Variants in TBCK observed in about 807,000 individuals in gnomAD.
TBCK encodes the protein TBC domain-containing protein kinase-like protein.
In TBCK, 99 loss-of-function variants were observed where a neutral mutation model predicts 113.4. The ratio of observed to expected loss-of-function variants is 0.87; its 90% CI spans 0.74 to 1.03. The LOEUF (loss-of-function observed/expected upper bound fraction) is 1.03. Ranked by LOEUF, TBCK falls within the 50% of genes least tolerant of loss-of-function variation. TBCK has a pLI of 0.00. For missense variants in TBCK, 1,045 were observed against 1,061.3 expected (o/e 0.98, Z 0.21); for synonymous variants, 369 against 370.8 (o/e 1.00, Z 0.05).
At chr4:106,287,071 G>T (rs1765186700) in intron 3 of TBCK, among the ~76,000 whole-genome samples, 1 of 152,148 alleles carries the variant, frequency 6.6e-6, no homozygotes, top group African/African-American at 2.4e-5. Context: ...CCAGAGGACT[G>T]CTCTCTTTGT....
intron 19 of TBCK, among the ~76,000 whole-genome samples, chr4:106,229,913 T>C (rs1758669198): frequency 6.6e-6 from 1 of 151,786 alleles, no homozygotes; most frequent in African/African-American, 2.4e-5. Flanking sequence ...AAGGAGGAGG[T>C]ATATTTTAGG....
intron 25 of TBCK, among the ~76,000 whole-genome samples, chr4:106,091,970 A>C (rs1052887174): frequency 2.6e-5 from 4 of 152,044 alleles, no homozygotes. Flanking sequence ...GCTAGACACA[A>C]AAGTTCTCCA....
chr4:106,236,366 C>T, intron 14 of TBCK, 24 bp downstream of exon 14: 1 of 1,410,700 alleles, frequency 7.1e-7, no homozygotes, highest in Middle Eastern at 1.9e-4. Context: ...CTATTGTTAA[C>T]ACTTTATACT....
chr4:106,216,771 C>T (rs903301914), intron 19 of TBCK, among the ~76,000 whole-genome samples: 7 of 151,452 alleles, frequency 4.6e-5, no homozygotes, highest in African/African-American at 9.7e-5. Flanking sequence ...GATTCACAGC[C>T]GAATTCTACC....
intron 23 of TBCK, among the ~76,000 whole-genome samples, chr4:106,122,749 A>G (rs1744604398): frequency 6.6e-6 from 1 of 152,204 alleles, no homozygotes; most frequent in Non-Finnish European, 1.5e-5. Context: ...GTAATCCAGC[A>G]TATAAACAGA....
intron 22 of TBCK, among the ~76,000 whole-genome samples, chr4:106,181,259 T>C (rs1056940015): frequency 2.0e-5 from 3 of 152,224 alleles, no homozygotes; most frequent in Non-Finnish European, 2.9e-5. Flanking sequence ...TTATAGATGC[T>C]GGATATTAGC....
intron 3 of TBCK, among the ~76,000 whole-genome samples, chr4:106,288,254 C>T (rs1244397635): frequency 2.0e-5 from 3 of 152,052 alleles, no homozygotes; most frequent in Admixed American, 2.0e-4. Context: ...ATTAGCCAGG[C>T]ATGGCGGTGT....
chr4:106,211,006 T>C (rs1285821825), intron 20 of TBCK, among the ~76,000 whole-genome samples: 1 of 152,174 alleles, frequency 6.6e-6, no homozygotes, highest in Non-Finnish European at 1.5e-5. Flanking sequence ...TATGTTGTTT[T>C]GGTCTCAAAC....
chr4:106,171,626 G>T (rs945738431), intron 22 of TBCK, among the ~76,000 whole-genome samples: 1 of 145,674 alleles, frequency 6.9e-6, no homozygotes, highest in African/African-American at 2.6e-5. Flanking sequence ...CCAAATTTAT[G>T]CTGATGTTTC....
chr4:106,153,748 A>G (rs543111149), intron 23 of TBCK, among the ~76,000 whole-genome samples: 2 of 152,042 alleles, frequency 1.3e-5, no homozygotes, highest in East Asian at 3.9e-4. Flanking sequence ...GAATTCATAT[A>G]TGTTTACACT....
intron 6 of TBCK, among the ~76,000 whole-genome samples, 187 bp downstream of exon 6, chr4:106,251,679 T>A (rs112248220): frequency 3.3e-5 from 5 of 151,990 alleles, no homozygotes; most frequent in African/African-American, 1.2e-4. Context: ...TTAGTAAAAG[T>A]ATGTTTCCAG....
intron 23 of TBCK, among the ~76,000 whole-genome samples, chr4:106,160,080 A>G (rs1252196656): frequency 6.6e-6 from 1 of 152,050 alleles, no homozygotes; most frequent in Non-Finnish European, 1.5e-5. Flanking sequence ...TCCATGCAAA[A>G]GAATGAAGCT....
At chr4:106,077,395 A>G (rs1053900808) in intron 25 of TBCK, among the ~76,000 whole-genome samples, 1 of 152,216 alleles carries the variant, frequency 6.6e-6, no homozygotes, top group African/African-American at 2.4e-5. Context: ...TAAAGAAGCA[A>G]GACCCAAATG....
intron 2 of TBCK, among the ~76,000 whole-genome samples, chr4:106,302,197 T>C (rs1767016340): frequency 6.6e-6 from 1 of 152,186 alleles, no homozygotes; most frequent in South Asian, 2.1e-4. Flanking sequence ...TATGTTACCC[T>C]AGCAGAGAGG....
At chr4:106,214,402 C>A (rs7693164) in intron 19 of TBCK, among the ~76,000 whole-genome samples, 3 of 152,052 alleles carry the variant, frequency 2.0e-5, no homozygotes, top group Admixed American at 6.5e-5. Context: ...AGGCTTCAGA[C>A]GATCAAATTA....
intron 19 of TBCK, among the ~76,000 whole-genome samples, chr4:106,229,589 C>G (rs1758627504): frequency 6.6e-6 from 1 of 151,880 alleles, no homozygotes; most frequent in Admixed American, 6.6e-5. Context: ...CTATTCTGTT[C>G]TATTGGTCTA....
At chr4:106,238,644 T>C (rs1318118965) in intron 12 of TBCK, 1 of 152,144 alleles carries the variant, frequency 6.6e-6, no homozygotes, top group East Asian at 1.9e-4. Context: ...AGGCTAGGAC[T>C]TCCACTTTCT....
chr4:106,282,941 C>T (rs1764757431), intron 3 of TBCK, among the ~76,000 whole-genome samples: 1 of 152,050 alleles, frequency 6.6e-6, no homozygotes, highest in African/African-American at 2.4e-5. Flanking sequence ...TAAATTCTGC[C>T]AACAACCTTT....
chr4:106,236,316 T>C, intron 14 of TBCK, 74 bp downstream of exon 14: 1 of 1,143,318 alleles, frequency 8.7e-7, no homozygotes. Context: ...CAAGATTCCC[T>C]AAGAATTATT....
Sources: allele counts gnomAD v4.1 joint callset (sites outside exome capture counted in the v4.1 genomes callset), GRCh38; gene constraint gnomAD v4.1.1; transcripts MANE v1.5; gene names NCBI Gene and HGNC (gene_info 2026-07-23, HGNC 2026-07-21).